SLC24A2: variants seen among roughly 807,000 people sequenced by gnomAD.
SLC24A2 encodes solute carrier family 24 member 2.
In SLC24A2, 36 loss-of-function variants were observed where a neutral mutation model predicts 62.0. The ratio of observed to expected loss-of-function variants is 0.58; its 90% CI spans 0.44 to 0.77. SLC24A2 has a LOEUF of 0.77. Among genes scored for constraint, SLC24A2 ranks in the 30% least tolerant of loss-of-function variants. The pLI, the probability that SLC24A2 is intolerant of heterozygous loss-of-function variation, is 0.00. For missense variants in SLC24A2, 846 were observed against 817.9 expected (o/e 1.03, Z -0.42); for synonymous variants, 358 against 294.0 (o/e 1.22, Z -2.23).
chr9:20,084,057 C>T, the SLC24A2 span, among the ~76,000 whole-genome samples: 1 of 152,116 alleles, frequency 6.6e-6, no homozygotes, highest in South Asian at 2.1e-4. Flanking sequence ...AAAAATAATA[C>T]CTCATTAGGC....
chr9:20,283,977 C>T, the SLC24A2 span, among the ~76,000 whole-genome samples: 1 of 152,080 alleles, frequency 6.6e-6, no homozygotes, highest in Admixed American at 6.5e-5. Flanking sequence ...ACATGCGTGC[C>T]CAAAAAGCTG....
rs774480159 is a variant in SLC24A2 at position 19,597,251 on chromosome 9, A to T, written c.1107T>A (p.Tyr369Ter). Residue 369 changes from tyrosine (Y) to a stop codon, truncating the protein, a stop_gained, in exon 5 of 11, where the codon TAT (tyrosine) becomes TAA (stop). Coordinates refer to ENST00000341998, the MANE Select transcript of SLC24A2 (RefSeq NM_020344.4). LOFTEE classifies it high-confidence loss of function. ...TACCTTCTTCAGTCATTGTGTCATA[A>T]TATTTTAGTTTTCCATATGATCCAA... ...EELGSYGKLK[Y>*]YDTMTEEGRF... The T allele has an allele frequency of 1.3e-6, 2 of 1,588,412 alleles. No individual in the cohort carries two copies. The highest frequency in any genetic ancestry group is 2.7e-5 in the African/African-American group (2 of 74,420).
At chr9:19,817,003 A>T in the SLC24A2 span, among the ~76,000 whole-genome samples, 6 of 152,206 alleles carry the variant, frequency 3.9e-5, no homozygotes, top group African/African-American at 9.6e-5. Context: ...AAGTATTCAT[A>T]GAATGCATGA....
chr9:20,012,365 C>T, the SLC24A2 span, among the ~76,000 whole-genome samples: 2 of 152,152 alleles, frequency 1.3e-5, no homozygotes, highest in African/African-American at 4.8e-5. Flanking sequence ...GAGTCTTATT[C>T]ACCATCATGA....
At chr9:19,547,130 T>G (rs55689299) in intron 8 of SLC24A2, among the ~76,000 whole-genome samples, 9,323 of 152,262 alleles carry the variant, frequency 0.061, 923 homozygotes, top group African/African-American at 0.21. Flanking sequence ...GCCCAGTGTT[T>G]GGCACATAAT....
chr9:20,294,048 C>G, the SLC24A2 span, among the ~76,000 whole-genome samples: 2 of 152,076 alleles, frequency 1.3e-5, no homozygotes, highest in Non-Finnish European at 2.9e-5. Flanking sequence ...CTCATCATGA[C>G]CTCCACTGCG....
At chr9:19,918,002 C>T in the SLC24A2 span, among the ~76,000 whole-genome samples, 10 of 151,938 alleles carry the variant, frequency 6.6e-5, no homozygotes, top group African/African-American at 2.4e-4. Flanking sequence ...AATATTCTTC[C>T]TTGTATTAAG....
the SLC24A2 span, among the ~76,000 whole-genome samples, chr9:19,995,786 C>G: frequency 2.0e-5 from 3 of 152,254 alleles, no homozygotes; most frequent in Non-Finnish European, 4.4e-5. Context: ...TGCACCCCAG[C>G]ATCTAGCCCT....
chr9:20,120,294 T>A, the SLC24A2 span, among the ~76,000 whole-genome samples: 1 of 152,038 alleles, frequency 6.6e-6, no homozygotes, highest in African/African-American at 2.4e-5. Context: ...AGCAAAGACA[T>A]GGAATCAACC....
chr9:20,090,488 T>C, the SLC24A2 span, among the ~76,000 whole-genome samples: 1 of 151,894 alleles, frequency 6.6e-6, no homozygotes, highest in East Asian at 1.9e-4. Context: ...AATATAGGGG[T>C]ATAGGGGAGC....
the SLC24A2 span, among the ~76,000 whole-genome samples, chr9:20,131,211 C>T: frequency 6.6e-5 from 10 of 152,018 alleles, no homozygotes; most frequent in Non-Finnish European, 1.0e-4. Flanking sequence ...GAGGAGATCT[C>T]CAAAGGCCAC....
chr9:19,601,844 G>C (rs1486140296), intron 4 of SLC24A2, among the ~76,000 whole-genome samples: 1 of 152,148 alleles, frequency 6.6e-6, no homozygotes, highest in Non-Finnish European at 1.5e-5. Context: ...AAAAATACTA[G>C]TTGTATTCTA....
At chr9:19,878,616 G>C in the SLC24A2 span, among the ~76,000 whole-genome samples, 3 of 152,140 alleles carry the variant, frequency 2.0e-5, no homozygotes, top group Admixed American at 6.6e-5. Context: ...GGTGCTGATA[G>C]AGTTCTTACC....
At chr9:20,051,651 C>CTCTTTTTTTT in the SLC24A2 span, among the ~76,000 whole-genome samples, 10 of 63,648 alleles carry the variant, frequency 1.6e-4, no homozygotes, top group African/African-American at 6.6e-4. Context: ...GAGGTTTTTT[C>CTCTTTTTTTT]TTTCTCTTTT....
At chr9:19,853,178 A>T in the SLC24A2 span, among the ~76,000 whole-genome samples, 1 of 152,144 alleles carries the variant, frequency 6.6e-6, no homozygotes, top group Non-Finnish European at 1.5e-5. Context: ...GAACTTGCTG[A>T]AGTTGTTTAT....
chr9:20,129,489 T>C, the SLC24A2 span, among the ~76,000 whole-genome samples: 200 of 152,194 alleles, frequency 1.3e-3, 3 homozygotes, highest in African/African-American at 4.6e-3. Flanking sequence ...AATATTCACA[T>C]AGCACTATTT....
chr9:20,220,661 CAG>C, the SLC24A2 span, among the ~76,000 whole-genome samples: 1 of 152,142 alleles, frequency 6.6e-6, no homozygotes, highest in African/African-American at 2.4e-5. Context: ...CAGTTGGTTG[CAG>C]AGTTTCCTAT....
intron 2 of SLC24A2, among the ~76,000 whole-genome samples, chr9:19,713,440 A>G (rs1291824865): frequency 6.6e-6 from 1 of 152,196 alleles, no homozygotes; most frequent in African/African-American, 2.4e-5. Context: ...TTATGCTTTG[A>G]ATGCGAAAAT....
At chr9:19,524,156 AAAAG>A (rs1302939061) in intron 9 of SLC24A2, among the ~76,000 whole-genome samples, 1 of 150,176 alleles carries the variant, frequency 6.7e-6, no homozygotes, top group Non-Finnish European at 1.5e-5. Flanking sequence ...AAAAAAAAAA[AAAAG>A]CAAATTAGGC....
Sources: gnomAD v4.1 joint callset for allele counts (sites outside exome capture counted in the v4.1 genomes callset) on GRCh38, gnomAD v4.1.1 for gene constraint, MANE v1.5 for transcripts, NCBI Gene and HGNC (gene_info 2026-07-23, HGNC 2026-07-21) for gene names.